RSKR: variants seen among roughly 807,000 people sequenced by gnomAD.
RSKR encodes ribosomal protein S6 kinase-related protein.
In RSKR, 44 loss-of-function variants were observed where a neutral mutation model predicts 56.8. The ratio of observed to expected loss-of-function variants is 0.77; its 90% CI spans 0.61 to 1.00. The LOEUF is 1.00. Among genes scored for constraint, RSKR ranks in the 50% least tolerant of loss-of-function variants. The pLI is 0.00. For missense variants in RSKR, 510 were observed against 506.9 expected, an observed-to-expected ratio of 1.01 and a Z score of -0.06; for synonymous variants, 181 against 188.0, an observed-to-expected ratio of 0.96 and a Z score of 0.30.
In RSKR at chr17:28,613,685, C is replaced by G; in HGVS notation, c.79G>C (p.Gly27Arg). The change falls in exon 2 of 12, where the codon GGT (glycine) becomes CGT (arginine). Residue 27 changes from glycine to arginine, a missense_variant. Physicochemically the swap from Gly to Arg is moderately radical, Grantham distance 125. Coordinates refer to ENST00000301037, the MANE Select transcript of RSKR (RefSeq NM_001174103.2). ...HTRVAVPHKQ[G>R]GNIRGPWARG... The stretch of plus-strand genomic sequence containing the variant: ...GCCCAGGGACCCCGGATGTTGCCAC[C>G]CTGCTGAGAACCAAGGGAGCCACTC... 2 of 1,613,946 alleles carry G rather than the reference C, an allele frequency of 1.2e-6. No homozygotes were observed. The highest frequency in any genetic ancestry group is 1.7e-6 in the Non-Finnish European group (2 of 1,179,974).
intron 5 of RSKR, 120 bp from the exon 6 acceptor site, chr17:28,612,486 C>T (rs1007340314): frequency 5.1e-6 from 7 of 1,372,368 alleles, no homozygotes; most frequent in African/African-American, 1.4e-5. Flanking sequence ...CCTGCTGTTC[C>T]CCTCCCTTTG....
Position 28,613,587 on chromosome 17 carries a change from C to T in RSKR, c.177G>A (p.Arg59=). 6.2e-7 allele frequency: 1 copy of T among 1,614,162 alleles called. No homozygotes were observed. Among genetic ancestry groups the T allele is most frequent in the Non-Finnish European group, 8.5e-7 (1 of 1,180,032 alleles). Residue 59 remains arginine, a synonymous_variant, in exon 2 of 12, where the codon CGG becomes CGA. Coordinates refer to ENST00000301037, the MANE Select transcript of RSKR (RefSeq NM_001174103.2). ...ATTCCTGGTGCAGATAGTGGTGCCC[C>T]CGTAGTTCCCAGAGTTCTTCCAGAT... The part of the protein sequence containing the change: ...RSDLEELWEL[R]GHHYLHQESL...
In RSKR at chr17:28,609,976, C is replaced by T. The variant is rs937948095; in HGVS notation, c.*502G>A. 6.5e-6 allele frequency: 1 copy of T among 153,508 alleles called. No homozygotes were observed. The highest frequency in any genetic ancestry group is 2.4e-5 in the African/African-American group (1 of 41,138). 9.5% of individuals were successfully genotyped at this position (153,508 alleles called of 1,614,324 possible). A position where few individuals can be genotyped will look rare whatever the true frequency, so the allele number is the denominator to read the frequency against. ...GCTGAGGCATGAAAATCACTTCAAC[C>T]CAGGAGACGGAGGTTGCAGTGAGCT... On this transcript the variant is annotated 3_prime_UTR_variant, in exon 12 of 12. Coordinates refer to ENST00000301037, the MANE Select transcript of RSKR (RefSeq NM_001174103.2).
chr17:28,613,827 C>G (rs543218623), intron 1 of RSKR, 139 bp from the exon 2 acceptor site: 99 of 1,281,558 alleles, frequency 7.7e-5, no homozygotes, highest in South Asian at 1.9e-4. Flanking sequence ...TCCCATTACC[C>G]TTGCTTTGTG....
At chr17:28,613,918 G>T in intron 1 of RSKR, 169 bp downstream of exon 1, 1 of 996,206 alleles carries the variant, frequency 1.0e-6, no homozygotes, top group Non-Finnish European at 1.5e-6. Flanking sequence ...CGCATTAAGA[G>T]TACAGCCTGC....
chr17:28,612,733 A>G, intron 4 of RSKR, 46 bp from the exon 5 acceptor site: 2 of 1,585,662 alleles, frequency 1.3e-6, no homozygotes. Flanking sequence ...AGGGTCATTG[A>G]GAATAAAGGC....
intron 7 of RSKR, 118 bp from the exon 8 acceptor site, chr17:28,611,913 C>G: frequency 6.2e-7 from 1 of 1,611,356 alleles, no homozygotes; most frequent in Non-Finnish European, 8.5e-7. Context: ...CTCAGAGAGC[C>G]CTTCCCCAAA....
chr17:28,614,021 T>C, intron 1 of RSKR, 66 bp downstream of exon 1: 1 of 1,583,540 alleles, frequency 6.3e-7, no homozygotes. Flanking sequence ...ACCAGGAACT[T>C]CCCAGGACTC....
At chr17:28,612,810 G>A in intron 4 of RSKR, 123 bp from the exon 5 acceptor site, 1 of 922,702 alleles carries the variant, frequency 1.1e-6, no homozygotes. Flanking sequence ...TCAGTTCAGA[G>A]GAACTCAATA....
At chr17:28,610,898 T>G in intron 11 of RSKR, 199 bp from the exon 12 acceptor site, 1 of 664,402 alleles carries the variant, frequency 1.5e-6, no homozygotes, top group South Asian at 2.0e-5. Flanking sequence ...CTTGTGAGTT[T>G]TCAGATGAGT....
chr17:28,611,586 A>C lies in RSKR; in HGVS notation c.792T>G (p.Cys264Trp). The part of the protein sequence containing the change: ...VPQGAQAYTI[C>W]GTLQYMAPEV... ...TCTCACCCATGTACTGAAGAGTGCC[A>C]CAGATAGTGTAGGCTTGAGCTCCCT... is the stretch of plus-strand genomic sequence containing the variant. Residue 264 changes from cysteine (C) to tryptophan (W), a missense_variant, in exon 9 of 12, where the codon TGT becomes TGG. Coordinates refer to ENST00000301037, the MANE Select transcript of RSKR (RefSeq NM_001174103.2). 1 of 1,558,292 alleles carries C rather than the reference A, an allele frequency of 6.4e-7. No individual in the cohort carries two copies. The highest frequency in any genetic ancestry group is 8.7e-7 in the Non-Finnish European group (1 of 1,155,126).
At position 28,611,405 on chromosome 17, in the gene RSKR, C is replaced by A; in HGVS notation, c.888G>T (p.Leu296=). 1 of 1,594,246 alleles carries A rather than the reference C, an allele frequency of 6.3e-7. No individual in the cohort carries two copies. The change falls in exon 10 of 12, where the codon CTG becomes CTT. Residue 296 remains leucine (L), a synonymous_variant. Transcript: ENST00000301037. ...WWSLGVLLFS[L]ATGKFPVAAE... is the part of the protein sequence containing the mutation. ...ACTATTCTCTCACCTTTCCAGTCGC[C>A]AGAGAGAAAAGCAAGACACCCAGGG...
At chr17:28,613,742 C>T in intron 1 of RSKR, 54 bp from the exon 2 acceptor site, 1 of 1,602,798 alleles carries the variant, frequency 6.2e-7, no homozygotes, top group South Asian at 1.1e-5. Context: ...ATAGCAGGTT[C>T]CACCCATCTT....
intron 11 of RSKR, 163 bp from the exon 12 acceptor site, chr17:28,610,862 G>C (rs2070802449): frequency 1.2e-5 from 9 of 752,100 alleles, no homozygotes; most frequent in Non-Finnish European, 1.9e-5. Flanking sequence ...GCTAATTTGG[G>C]GCAAAGGTGG....
intron 3 of RSKR, 26 bp from the exon 4 acceptor site, chr17:28,613,172 CAT>C: frequency 6.2e-7 from 1 of 1,613,450 alleles, no homozygotes; most frequent in Non-Finnish European, 8.5e-7. Flanking sequence ...AGTGATGACT[CAT>C]AGATAGTGCT....
At chr17:28,613,959 G>A in intron 1 of RSKR, 128 bp downstream of exon 1, 1 of 1,254,574 alleles carries the variant, frequency 8.0e-7, no homozygotes, top group Non-Finnish European at 1.1e-6. Context: ...TGCTTTCATA[G>A]TACAGCCTCC....
At position 28,610,673 on chromosome 17, in the gene RSKR, A is replaced by C; in HGVS notation, c.1038T>G (p.Arg346=). The change falls in exon 12 of 12, where the codon CGT becomes CGG. Residue 346 remains arginine, a synonymous_variant. Coordinates refer to ENST00000301037, the MANE Select transcript of RSKR (RefSeq NM_001174103.2). ...CCTGGAAGTGATGCAGATAACGTAG[A>C]CGATGGAGGGGGTTCTGGCATAAGA... ...HELLCQNPLH[R]LRYLHHFQVH... 3.3e-6 allele frequency: 5 copies of C among 1,536,142 alleles called. No homozygotes were observed. Among genetic ancestry groups the C allele is most frequent in the Non-Finnish European group, 4.4e-6 (5 of 1,146,910 alleles).
chr17:28,611,817 G>A (rs764385560), intron 7 of RSKR, 22 bp from the exon 8 acceptor site: 2 of 1,614,168 alleles, frequency 1.2e-6, no homozygotes, highest in East Asian at 2.2e-5. Context: ...CAGGTGAGAA[G>A]TAATTCTTCC....
chr17:28,610,671 AGAC>A lies in RSKR; in HGVS notation c.1037_1039del (p.Arg346del). On this transcript the variant is annotated inframe_deletion, in exon 12 of 12. Coordinates refer to ENST00000301037, the MANE Select transcript of RSKR (RefSeq NM_001174103.2). ...GACCTGGAAGTGATGCAGATAACGTAGACGATGGAGGGGGTTCTGGCATAAGAG... is the reference window on the plus strand; with the variant it reads ...GACCTGGAAGTGATGCAGATAACGTAGATGGAGGGGGTTCTGGCATAAGAG... The A allele has an allele frequency of 6.5e-7, 1 of 1,536,156 alleles. No homozygotes were observed. Among genetic ancestry groups the A allele is most frequent in the South Asian group, 1.2e-5 (1 of 84,062 alleles).
Sources: gnomAD v4.1 joint callset for allele counts on GRCh38, gnomAD v4.1.1 for gene constraint, MANE v1.5 for transcripts, NCBI Gene and HGNC (gene_info 2026-07-23, HGNC 2026-07-21) for gene names.